The following PGAP6 variants were observed in gnomAD, a reference collection of about 807,000 sequenced individuals.
PGAP6 encodes the protein post-GPI attachment to proteins factor 6.
In PGAP6, 62 loss-of-function variants were observed where a neutral mutation model predicts 68.4. The observed-to-expected ratio is 0.91, with a 90% CI of 0.74 to 1.12. The LOEUF is 1.12. Ranked by LOEUF, PGAP6 falls within the 50% of genes most tolerant of loss-of-function variation. The probability of loss-of-function intolerance (pLI) is 0.00; values close to 1 mark genes in which losing one functional copy is unlikely to be tolerated. For missense variants in PGAP6, 1,188 were observed against 1,068.5 expected (o/e 1.11, Z -1.56); for synonymous variants, 575 against 474.0 (o/e 1.21, Z -2.77).
At chr16:372,931 G>C (rs1042567514) in intron 11 of PGAP6, among the ~76,000 whole-genome samples, 1 of 152,164 alleles carries the variant, frequency 6.6e-6, no homozygotes, top group Non-Finnish European at 1.5e-5. Context: ...GCATCCACAG[G>C]TGAATGTGGC....
chr16:379,170 C>A (rs931432645), intron 1 of PGAP6, among the ~76,000 whole-genome samples: 4 of 152,200 alleles, frequency 2.6e-5, no homozygotes, highest in Admixed American at 6.5e-5. Context: ...CCCTCTGCTG[C>A]AGCTCCCCCT....
At chr16:374,500 G>T in intron 9 of PGAP6, 101 bp from the exon 10 acceptor site, 1 of 1,333,006 alleles carries the variant, frequency 7.5e-7, no homozygotes, top group Admixed American at 2.8e-5. Flanking sequence ...CCTCACCCAG[G>T]AGCAAGCAGG....
chr16:376,427 C>G lies in PGAP6; in HGVS notation c.933G>C (p.Gln311His). The part of the protein sequence containing the change: ...TACRPRSVTI[Q>H]PLLQSSQNQS... ...GGTTTTGGCTGCTCTGCAGAAGGGG[C>G]TGGATGGTCACGCTCCGTGGCCTGC... is the stretch of plus-strand genomic sequence containing the variant. Residue 311 changes from glutamine (Q) to histidine (H), a missense_variant, in exon 6 of 13, where the codon CAG becomes CAC. Gln to His is a conservative substitution (Grantham distance 24). Transcript: ENST00000431232. 6.3e-7 allele frequency: 1 copy of G among 1,585,878 alleles called. No individual in the cohort carries two copies. Among genetic ancestry groups the G allele is most frequent in the Non-Finnish European group, 8.6e-7 (1 of 1,164,278 alleles).
chr16:383,540 C>T (rs2054462437), upstream of PGAP6: 2 of 148,612 alleles, frequency 1.3e-5, no homozygotes, highest in Admixed American at 1.3e-4. Flanking sequence ...GGGGTCTAAA[C>T]GAGACAGAGC....
In PGAP6 at chr16:374,149, G is replaced by T; in HGVS notation, c.1758C>A (p.Phe586Leu). 6.2e-7 allele frequency: 1 copy of T among 1,610,864 alleles called. No individual in the cohort carries two copies. Among genetic ancestry groups the T allele is most frequent in the South Asian group, 1.1e-5 (1 of 91,084 alleles). The change falls in exon 11 of 13, where the codon TTC becomes TTA. Residue 586 changes from phenylalanine to leucine, a missense_variant and splice_region_variant. Physicochemically the swap from Phe to Leu is conservative, Grantham distance 22. Transcript: ENST00000431232. ...CCCCGGGCTGGTCGCAGGCGTGGTA[G>T]AACTGTGGGGAGGCTCCATGAGCGC... ...VYAYTMFFST[F>L]YHACDQPGEA...
intron 1 of PGAP6, 150 bp downstream of exon 1, chr16:381,551 A>C (rs1425205561): frequency 1.8e-5 from 9 of 487,332 alleles, no homozygotes; most frequent in Non-Finnish European, 2.7e-5. Context: ...AGCGCCCCAA[A>C]GGGCCACTGT....
chr16:385,816 G>C (rs1207570021), upstream of PGAP6, among the ~76,000 whole-genome samples: 1 of 150,878 alleles, frequency 6.6e-6, no homozygotes, highest in Admixed American at 6.6e-5. Context: ...AGTAGAGACG[G>C]GGTTTCACCA....
upstream of PGAP6, among the ~76,000 whole-genome samples, chr16:385,966 T>C (rs1157414436): frequency 6.6e-6 from 1 of 152,168 alleles, no homozygotes; most frequent in Non-Finnish European, 1.5e-5. Flanking sequence ...TCTATAAATG[T>C]GTCTTCAGAA....
In PGAP6 at chr16:377,077, G is replaced by A. The variant is rs1567324819; in HGVS notation, c.595C>T (p.Pro199Ser). 6.2e-7 allele frequency: 1 copy of A among 1,613,470 alleles called. No individual in the cohort carries two copies. The highest frequency in any genetic ancestry group is 2.2e-5 in the East Asian group (1 of 44,878). Residue 199 changes from proline to serine, a missense_variant, in exon 4 of 13, where the codon CCC becomes TCC. Coordinates refer to ENST00000431232, the MANE Select transcript of PGAP6 (RefSeq NM_021259.3). Reference protein sequence around the residue: ...VEISIMEPDVPLPQTLLSHPS... With the variant: ...VEISIMEPDVSLPQTLLSHPS... ...TGGGAGAGGAGGGTCTGAGGAAGGG[G>A]CACGTCCGGCTCCATGATGGAAATC...
chr16:378,247 GCCATCCCCACCCGC>G lies in PGAP6; in HGVS notation c.122-413_122-400del, dbSNP rs1567325725. Among the ~76,000 whole-genome samples, 28 of 144,566 alleles carry G rather than the reference GCCATCCCCACCCGC, an allele frequency of 1.9e-4. 4 individuals carry two copies. Among genetic ancestry groups the G allele is most frequent in the South Asian group, 6.9e-4 (3 of 4,350 alleles). 94.8% of individuals were successfully genotyped at this position (144,566 alleles called of 152,430 possible). ...CCTGACTGCCATCGCCACCCGCACT[GCCATCCCCACCCGC>G]ACTGCCATCCCCACCCACACTGCCA... is the stretch of plus-strand genomic sequence containing the variant. On this transcript the variant is annotated intron_variant, in intron 1 of 12. Transcript: ENST00000431232.
chr16:372,436 T>A, intron 12 of PGAP6, 153 bp from the exon 13 acceptor site: 1 of 996,744 alleles, frequency 1.0e-6, no homozygotes, highest in Non-Finnish European at 1.5e-6. Context: ...CCACTGGTCC[T>A]CAGGCCCAGG....
rs571420377 is a variant in PGAP6 at position 377,415 on chromosome 16, G to A, written c.470C>T (p.Ala157Val). The A allele has an allele frequency of 4.4e-6, 7 of 1,607,318 alleles. 1 individual carries two copies. In the East Asian group the frequency reaches 1.3e-4, roughly 31 times the overall value. Residue 157 changes from alanine (A) to valine (V), a missense_variant, in exon 3 of 13, where the codon GCC (alanine) becomes GTC (valine). By Grantham distance (64) the Ala-to-Val change is moderately conservative. Coordinates refer to ENST00000431232, the MANE Select transcript of PGAP6 (RefSeq NM_021259.3). ...HPAPGDWFVA[A>V]HLPPSSQKIE... ...CTTCTGGGATGAGGGGGGCAGGTGGGCGGCCACGAACCAGTCCCCGGGGGC... is the reference window on the plus strand; with the variant it reads ...CTTCTGGGATGAGGGGGGCAGGTGGACGGCCACGAACCAGTCCCCGGGGGC...
upstream of PGAP6, among the ~76,000 whole-genome samples, chr16:383,834 G>A (rs995677260): frequency 7.5e-6 from 1 of 134,018 alleles, no homozygotes; most frequent in African/African-American, 2.6e-5. Context: ...ACGCCGCAGC[G>A]GGTGGTGAGG....
upstream of PGAP6, chr16:383,223 A>G (rs1243224331): frequency 1.3e-5 from 2 of 152,224 alleles, no homozygotes; most frequent in Non-Finnish European, 2.9e-5. Context: ...ATTAAAGGAA[A>G]ACCCCATTAA....
chr16:376,546 G>A lies in PGAP6; in HGVS notation c.902C>T (p.Thr301Ile), dbSNP rs1460939753. The change falls in exon 5 of 13, where the codon ACA becomes ATA. Residue 301 changes from threonine (T) to isoleucine (I), a missense_variant and splice_region_variant. Physicochemically the swap from Thr to Ile is moderately conservative, Grantham distance 89 (BLOSUM62 -1). Transcript: ENST00000431232. Reference sequence around the variant, plus strand: ...CCTCCAGCCCTTGTGCGGCCCACCTGTGAGGGCAGCTACAGCACTGAAAGC... The same window carrying A: ...CCTCCAGCCCTTGTGCGGCCCACCTATGAGGGCAGCTACAGCACTGAAAGC... ...TVAFSAVAAL[T>I]ACRPRSVTIQ... The A allele has an allele frequency of 6.5e-7, 1 of 1,546,108 alleles. No homozygotes were observed. Among genetic ancestry groups the A allele is most frequent in the African/African-American group, 1.4e-5 (1 of 73,300 alleles).
At chr16:381,611 G>A in intron 1 of PGAP6, 90 bp downstream of exon 1, 1 of 1,038,642 alleles carries the variant, frequency 9.6e-7, no homozygotes, top group South Asian at 4.6e-5. Context: ...GGCGCCAGAT[G>A]AGCGCACAGG....
chr16:381,753 C>T lies in PGAP6; in HGVS notation c.69G>A (p.Leu23=). 8.3e-7 allele frequency: 1 copy of T among 1,210,382 alleles called. No individual in the cohort carries two copies. The highest frequency in any genetic ancestry group is 3.5e-5 in the East Asian group (1 of 28,722). 75.0% of individuals were successfully genotyped at this position (1,210,382 alleles called of 1,614,324 possible). A position where few individuals can be genotyped will look rare whatever the true frequency, so the allele number is the denominator to read the frequency against. ...VAAVVAGPLL[L]LLLARPPPAS... ...CAGGCGGGGGCCGGGCAAGCAGCAG[C>T]AGCAGCAGCGGCCCCGCCACCACCG... The change falls in exon 1 of 13, where the codon CTG becomes CTA. Residue 23 remains leucine, a synonymous_variant. Transcript: ENST00000431232.
chr16:375,363 A>G lies in PGAP6; in HGVS notation c.1297T>C (p.Ser433Pro), dbSNP rs2054372963. 1 of 1,612,926 alleles carries G rather than the reference A, an allele frequency of 6.2e-7. No individual in the cohort carries two copies. Among genetic ancestry groups the G allele is most frequent in the East Asian group, 2.2e-5 (1 of 44,864 alleles). The stretch of plus-strand genomic sequence containing the variant: ...ATCATACCTGTGGTGCAGTTGAGCG[A>G]AGTATTGAAGCCAAGGAAGGGCGAG... ...AASPFLGFNT[S>P]LNCTTAFFQG... The change falls in exon 7 of 13, where the codon TCG (serine) becomes CCG (proline). Residue 433 changes from serine to proline, a missense_variant. Physicochemically the swap from Ser to Pro is moderately conservative, Grantham distance 74. Transcript: ENST00000431232.
rs2054329671 is a variant in PGAP6 at position 371,338 on chromosome 16, C to G, written c.*649G>C. The G allele has an allele frequency of 6.6e-6, 1 of 152,542 alleles. No homozygotes were observed. The highest frequency in any genetic ancestry group is 2.4e-5 in the African/African-American group (1 of 41,388). 9.4% of individuals were successfully genotyped at this position (152,542 alleles called of 1,614,324 possible). ...GGGCCAAACCCCCAGAGCAGCAGAG[C>G]ACCCCAGTCCAAGGAAGCTCTTCTC... On this transcript the variant is annotated 3_prime_UTR_variant, in exon 13 of 13. Transcript: ENST00000431232.
Sources: gnomAD v4.1 joint callset for allele counts (sites outside exome capture counted in the v4.1 genomes callset) on GRCh38, gnomAD v4.1.1 for gene constraint, MANE v1.5 for transcripts, NCBI Gene and HGNC (gene_info 2026-07-23, HGNC 2026-07-21) for gene names.